PGC: variants seen among roughly 807,000 people sequenced by gnomAD.
The protein encoded by PGC is gastricsin.
A neutral mutation model predicts 45.9 loss-of-function variants in PGC; 31 were observed. The ratio of observed to expected loss-of-function variants is 0.67; its 90% CI spans 0.51 to 0.91. The LOEUF is 0.91. PGC is among the 40% of genes least tolerant of loss of function. The pLI is 0.00. For missense variants in PGC, 477 were observed against 493.2 expected (o/e 0.97, Z 0.31); for synonymous variants, 192 against 201.8 (o/e 0.95, Z 0.41).
chr6:41,745,093 T>A (rs1397116925), intron 1 of PGC, among the ~76,000 whole-genome samples: 1 of 152,082 alleles, frequency 6.6e-6, no homozygotes, highest in Admixed American at 6.6e-5. Flanking sequence ...GCTCTAAGAT[T>A]CAGAAAACCA....
chr6:41,742,542 T>A, intron 4 of PGC, 53 bp from the exon 5 acceptor site: 3 of 1,378,156 alleles, frequency 2.2e-6, no homozygotes, highest in Non-Finnish European at 3.1e-6. Context: ...ACTCACCTCC[T>A]CCAGGTTCCC....
chr6:41,741,932 G>C (rs1382686766), intron 5 of PGC: 1 of 1,041,058 alleles, frequency 9.6e-7, no homozygotes, highest in Non-Finnish European at 1.4e-6. Flanking sequence ...AAGGAAGTGA[G>C]CGAACTGCCC....
rs1771881532 is a variant in PGC, at chr6:41,744,098, G to A, written c.328+299C>T. Among the ~76,000 whole-genome samples the A allele has an allele frequency of 6.6e-6, 1 of 152,188 alleles. No homozygotes were observed. The highest frequency in any genetic ancestry group is 6.5e-5 in the Admixed American group (1 of 15,284). On this transcript the variant is annotated intron_variant, in intron 3 of 8. Transcript: ENST00000373025. This position sits in a 1 kb window ranked among gnomAD's most constrained non-coding sequence, Gnocchi z 4.4. ...GGACTGGAAATTAGTCACATGGAAT[G>A]GAATGGCACTGCCCAGAGTAAACAG...
At chr6:41,739,761 A>G (rs1771787154) in intron 7 of PGC, 38 bp downstream of exon 7, 2 of 1,577,974 alleles carry the variant, frequency 1.3e-6, no homozygotes, top group South Asian at 2.3e-5. Flanking sequence ...CCTCTGGAGT[A>G]GCCTCCTGGG....
chr6:41,744,971 C>T lies in PGC; in HGVS notation c.60-163G>A, dbSNP rs574417659. ...TTTTTCTCTCTCTCAGCCTTTTGCTCTCTGTCTCTGTCTGTCTGTCTCTCT... is the reference window on the plus strand; with the variant it reads ...TTTTTCTCTCTCTCAGCCTTTTGCTTTCTGTCTCTGTCTGTCTGTCTCTCT... On this transcript the variant is annotated intron_variant, in intron 1 of 8. Coordinates refer to ENST00000373025, the MANE Select transcript of PGC (RefSeq NM_002630.4). This position sits in a 1 kb window ranked among gnomAD's most constrained non-coding sequence, Gnocchi z 4.4. 1.1e-3 allele frequency among the ~76,000 whole-genome samples: 60 copies of T among 54,996 alleles called. No individual in the cohort carries two copies. In the East Asian group the frequency reaches 0.015, roughly 14 times the overall value. 36.1% of individuals were successfully genotyped at this position (54,996 alleles called of 152,430 possible).
At position 41,744,243 on chromosome 6, in the gene PGC, C is replaced by T. The variant is rs1771884573; in HGVS notation, c.328+154G>A. Reference sequence around the variant, plus strand: ...TGCAGGACCAGCATCTTTCCTCTGGCTTGGGCATGCTGTGTGGCCCTGCAC... The same window carrying T: ...TGCAGGACCAGCATCTTTCCTCTGGTTTGGGCATGCTGTGTGGCCCTGCAC... On this transcript the variant is annotated intron_variant, in intron 3 of 8. Transcript: ENST00000373025. The surrounding 1 kb of genome is among the most constrained non-coding windows in gnomAD (Gnocchi z 4.4). Among the ~76,000 whole-genome samples the T allele has an allele frequency of 6.6e-6, 1 of 152,170 alleles. No homozygotes were observed. The highest frequency in any genetic ancestry group is 2.4e-5 in the African/African-American group (1 of 41,430).
intron 5 of PGC, chr6:41,741,089 G>T (rs1246146225): frequency 3.3e-6 from 5 of 1,537,132 alleles, no homozygotes; most frequent in African/African-American, 2.7e-5. Context: ...ATGTCACCGG[G>T]ATCCCCACCC....
At chr6:41,745,903 C>T (rs916498408) in intron 1 of PGC, among the ~76,000 whole-genome samples, 29 of 151,372 alleles carry the variant, frequency 1.9e-4, no homozygotes, top group African/African-American at 6.8e-4. Flanking sequence ...TAGCTCACGC[C>T]TGTAATCCCA....
At chr6:41,742,570 C>T in intron 4 of PGC, 81 bp from the exon 5 acceptor site, 7 of 1,002,692 alleles carry the variant, frequency 7.0e-6, no homozygotes, top group South Asian at 5.2e-5. Flanking sequence ...CTCCTCAAGC[C>T]TCTGTTCATC....
intron 5 of PGC, chr6:41,741,930 G>A: frequency 9.3e-7 from 1 of 1,071,258 alleles, no homozygotes; most frequent in African/African-American, 1.6e-5. Context: ...AGAAGGAAGT[G>A]AGCGAACTGC....
At chr6:41,738,364 G>A (rs564913592) in intron 7 of PGC, among the ~76,000 whole-genome samples, 8 of 151,126 alleles carry the variant, frequency 5.3e-5, no homozygotes, top group Non-Finnish European at 7.4e-5. Flanking sequence ...ATGGTGGCTC[G>A]TGCCTGTAAT....
At chr6:41,742,964 T>C (rs1321021432) in intron 4 of PGC, among the ~76,000 whole-genome samples, 1 of 152,186 alleles carries the variant, frequency 6.6e-6, no homozygotes, top group Non-Finnish European at 1.5e-5. Context: ...CCACCTCTCC[T>C]GCGTAGCCTT....
In PGC at chr6:41,736,962, A is replaced by T. The variant is rs768749667; in HGVS notation, c.1057T>A (p.Ser353Thr). Reference sequence around the variant, plus strand: ...CACAGGGGCTGGCCGTTCTGGGAGGACAGGTAGGTGGGCTCGACTCCCACG... The same window carrying T: ...CACAGGGGCTGGCCGTTCTGGGAGGTCAGGTAGGTGGGCTCGACTCCCACG... ...CTVGVEPTYLSSQNGQPLWIL... is the reference protein window; with the variant it reads ...CTVGVEPTYLTSQNGQPLWIL... Residue 353 changes from serine to threonine, a missense_variant, in exon 9 of 9, where the codon TCC (serine) becomes ACC (threonine). Transcript: ENST00000373025. The T allele has an allele frequency of 1.2e-5, 19 of 1,613,900 alleles. No homozygotes were observed. In the Admixed American group the frequency reaches 3.2e-4, roughly 27 times the overall value.
In PGC at chr6:41,747,376, A is replaced by G. The variant is rs750511244; in HGVS notation, c.-42T>C. Reference sequence around the variant, plus strand: ...TGGCCACAGAGGAAGAGCAGCTCTGAGTTCTGCAGTCGCAGTGGAGTGAAG... The same window carrying G: ...TGGCCACAGAGGAAGAGCAGCTCTGGGTTCTGCAGTCGCAGTGGAGTGAAG... On this transcript the variant is annotated 5_prime_UTR_variant, in exon 1 of 9. Transcript: ENST00000373025. 1 of 1,558,378 alleles carries G rather than the reference A, an allele frequency of 6.4e-7. No individual in the cohort carries two copies. Among genetic ancestry groups the G allele is most frequent in the Non-Finnish European group, 8.9e-7 (1 of 1,129,578 alleles).
At position 41,744,220 on chromosome 6, in the gene PGC, C is replaced by T. The variant is rs1437131676; in HGVS notation, c.328+177G>A. On this transcript the variant is annotated intron_variant, in intron 3 of 8. Coordinates refer to ENST00000373025, the MANE Select transcript of PGC (RefSeq NM_002630.4). The surrounding 1 kb of genome is among the most constrained non-coding windows in gnomAD (Gnocchi z 4.4). ...GGAAGGCAAAGGGGCCATCCAGCTG[C>T]AGGACCAGCATCTTTCCTCTGGCTT... Among the ~76,000 whole-genome samples, 1 of 152,186 alleles carries T rather than the reference C, an allele frequency of 6.6e-6. No homozygotes were observed. The highest frequency in any genetic ancestry group is 1.5e-5 in the Non-Finnish European group (1 of 68,032).
rs1347354221 is a variant in PGC, at chr6:41,739,864, C to G, written c.850G>C (p.Val284Leu). 29 of 1,613,998 alleles carry G rather than the reference C, an allele frequency of 1.8e-5. No individual in the cohort carries two copies. Among genetic ancestry groups the G allele is most frequent in the Non-Finnish European group, 2.3e-5 (27 of 1,180,022 alleles). Residue 284 changes from valine (V) to leucine (L), a missense_variant, in exon 7 of 9, where the codon GTG becomes CTG. Transcript: ENST00000373025. ...IVDTGTSLLTVPQQYMSALLQ... is the reference protein window; with the variant it reads ...IVDTGTSLLTLPQQYMSALLQ... ...AGAGCACTCATGTACTGCTGGGGCA[C>G]AGTGAGCAGAGAGGTGCCTGTGTCC...
intron 7 of PGC, 46 bp from the exon 8 acceptor site, chr6:41,737,874 G>A (rs3804279): frequency 0.17 from 189,417 of 1,105,334 alleles, 17,843 homozygotes; most frequent in African/African-American, 0.29. Flanking sequence ...CCCCCTGATA[G>A]CACCCACCAG....
Position 41,740,588 on chromosome 6 carries a change from C to G in PGC, c.670G>C (p.Ala224Pro), listed in dbSNP as rs1439696164. The G allele has an allele frequency of 1.9e-6, 3 of 1,602,358 alleles. No homozygotes were observed. Among genetic ancestry groups the G allele is most frequent in the Non-Finnish European group, 2.6e-6 (3 of 1,174,694 alleles). Residue 224 changes from alanine (A) to proline (P), a missense_variant, in exon 6 of 9, where the codon GCG becomes CCG. Coordinates refer to ENST00000373025, the MANE Select transcript of PGC (RefSeq NM_002630.4). ...LSNQQGSSGG[A>P]VVFGGVDSSL... ...CTATCCACACCCCCAAAGACAACCGCTCCCCCGCTGGAGCCCTGCTGGCTG... is the reference window on the plus strand; with the variant it reads ...CTATCCACACCCCCAAAGACAACCGGTCCCCCGCTGGAGCCCTGCTGGCTG...
At position 41,740,454 on chromosome 6, in the gene PGC, G is replaced by A. The variant is rs199685473; in HGVS notation, c.767+37C>T. The A allele has an allele frequency of 1.9e-6, 3 of 1,582,590 alleles. No homozygotes were observed. In the East Asian group the frequency reaches 6.8e-5, roughly 36 times the overall value. On this transcript the variant is annotated intron_variant, in intron 6 of 8. Coordinates refer to ENST00000373025, the MANE Select transcript of PGC (RefSeq NM_002630.4). ...ACATGGCCTGGAAGCCCACTCCAAG[G>A]AAGTGCCACATCCCCAGGGCCCCAC...
Sources: gnomAD v4.1 joint callset for allele counts (sites outside exome capture counted in the v4.1 genomes callset) on GRCh38, gnomAD v4.1.1 for gene constraint, Gnocchi (gnomAD v3.1) non-coding constraint, MANE v1.5 for transcripts, NCBI Gene and HGNC (gene_info 2026-07-23, HGNC 2026-07-21) for gene names.